C11orf65: variants seen among roughly 807,000 people sequenced by gnomAD.
C11orf65 encodes chromosome 11 open reading frame 65, also known as protein MFI.
Under a neutral mutation model 35.3 loss-of-function variants are expected in C11orf65, and 38 were observed. That is an observed-to-expected ratio of 1.08 (90% CI 0.83 to 1.41). C11orf65 has a LOEUF of 1.41. C11orf65 is among the 40% of genes most tolerant of loss of function. The pLI is 0.00. For synonymous variants in C11orf65, 105 were observed against 114.4 expected, an observed-to-expected ratio of 0.92 and a Z score of 0.53; for missense variants, 370 against 367.1, an observed-to-expected ratio of 1.01 and a Z score of -0.06.
At chr11:108,441,015 G>A (rs573919374) in intron 2 of C11orf65, among the ~76,000 whole-genome samples, 2 of 152,228 alleles carry the variant, frequency 1.3e-5, no homozygotes, top group South Asian at 4.1e-4. Flanking sequence ...GCCAAAGCAG[G>A]GCAACGCACT....
At chr11:108,439,202 T>G (rs2093112660) in intron 2 of C11orf65, among the ~76,000 whole-genome samples, 2 of 152,108 alleles carry the variant, frequency 1.3e-5, no homozygotes, top group African/African-American at 4.8e-5. Context: ...CAAAGAAGAC[T>G]TACAAGTGGT....
chr11:108,332,166 G>A (rs1245300508), intron 3 of C11orf65: 15 of 1,199,566 alleles, frequency 1.3e-5, no homozygotes, highest in Admixed American at 2.1e-5. Context: ...GGTGGCTCAC[G>A]CCTGTAATCC....
At chr11:108,329,027 G>T (rs587781672), downstream of C11orf65, 3 of 1,613,910 alleles carry the variant, frequency 1.9e-6, no homozygotes, top group African/African-American at 1.3e-5. Context: ...GAAGGCAGTA[G>T]AAGTTGCTGG....
chr11:108,466,261 A>T (rs2093536472), intron 1 of C11orf65, among the ~76,000 whole-genome samples: 2 of 152,094 alleles, frequency 1.3e-5, no homozygotes, highest in African/African-American at 4.8e-5. Flanking sequence ...AAAACCCTTC[A>T]TAAGTTTTAA....
At chr11:108,331,682 CT>C (rs1330694562) in intron 3 of C11orf65, 7 of 1,354,508 alleles carry the variant, frequency 5.2e-6, no homozygotes, top group Non-Finnish European at 7.0e-6. Flanking sequence ...TTTTTGTCTT[CT>C]CACATCACAT....
At chr11:108,354,070 A>ACAC (rs2089570249) in intron 2 of C11orf65, among the ~76,000 whole-genome samples, 4,765 of 114,892 alleles carry the variant, frequency 0.041, 122 homozygotes, top group Non-Finnish European at 0.049. Context: ...CACACACACA[A>ACAC]ACACACACAC....
chr11:108,387,420 GAC>G (rs1201002669), intron 7 of C11orf65, among the ~76,000 whole-genome samples: 1 of 151,862 alleles, frequency 6.6e-6, no homozygotes, highest in East Asian at 1.9e-4. Flanking sequence ...CTCCCAAAGT[GAC>G]ACTGTGATTT....
At chr11:108,371,280 C>T (rs75686326) in intron 2 of C11orf65, among the ~76,000 whole-genome samples, 3 of 152,266 alleles carry the variant, frequency 2.0e-5, no homozygotes, top group Admixed American at 6.5e-5. Flanking sequence ...TTTAAGTATA[C>T]GGTTCAGTAG....
intron 3 of C11orf65, chr11:108,332,769 CA>C (rs2086405270): frequency 6.2e-7 from 1 of 1,612,564 alleles, no homozygotes; most frequent in African/African-American, 1.3e-5. Flanking sequence ...TAGGATCGAA[CA>C]GAGGCTGCAA....
intron 2 of C11orf65, among the ~76,000 whole-genome samples, chr11:108,370,726 T>C (rs2091545436): frequency 6.6e-6 from 1 of 152,142 alleles, no homozygotes; most frequent in Non-Finnish European, 1.5e-5. Context: ...TAGCAGTTTA[T>C]CTGCATTTAT....
At chr11:108,330,413 A>T (rs780931855), downstream of C11orf65, 1 of 1,614,142 alleles carries the variant, frequency 6.2e-7, no homozygotes, top group Admixed American at 1.7e-5. Flanking sequence ...AGTCAATGGC[A>T]TGATGAAGGC....
intron 7 of C11orf65, among the ~76,000 whole-genome samples, chr11:108,389,710 C>T (rs898408970): frequency 3.0e-4 from 45 of 152,118 alleles, no homozygotes; most frequent in Non-Finnish European, 1.6e-4. Flanking sequence ...GACAGAGTCT[C>T]GCTCTGTCAC....
rs146806558 is a variant in C11orf65 at position 108,442,822 on chromosome 11, G to A, written c.82-10984C>T. On this transcript the variant is annotated intron_variant, in intron 2 of 8. Transcript: ENST00000393084. The stretch of plus-strand genomic sequence containing the variant: ...GCCTCCCTTACAACAGCTCCTGAAG[G>A]AAGCACTAAACATGGAAAGGAACAA... Among the ~76,000 whole-genome samples the A allele has an allele frequency of 8.3e-3, 1,268 of 152,238 alleles. 15 individuals are homozygous for A. The highest frequency in any genetic ancestry group is 0.029 in the African/African-American group (1,202 of 41,536).
intron 2 of C11orf65, among the ~76,000 whole-genome samples, chr11:108,345,447 G>C (rs1459893680): frequency 6.6e-6 from 1 of 152,128 alleles, no homozygotes; most frequent in Non-Finnish European, 1.5e-5. Context: ...AACTACTTAG[G>C]CATTTCTGTG....
intron 2 of C11orf65, among the ~76,000 whole-genome samples, chr11:108,341,569 A>G (rs1370353346): frequency 2.0e-5 from 3 of 152,190 alleles, no homozygotes; most frequent in African/African-American, 7.2e-5. Context: ...TCCTTAAGAC[A>G]CAAAACAGTT....
chr11:108,398,330 T>C (rs754836926), intron 6 of C11orf65, among the ~76,000 whole-genome samples: 13 of 152,190 alleles, frequency 8.5e-5, no homozygotes, highest in Non-Finnish European at 1.5e-4. Context: ...AGATTACATG[T>C]AGGCACTAAA....
At chr11:108,345,957 GT>G in intron 2 of C11orf65, 2 of 1,607,380 alleles carry the variant, frequency 1.2e-6, no homozygotes, top group Non-Finnish European at 1.7e-6. Flanking sequence ...TGTTTGGCAG[GT>G]TTTATTTTTG....
At chr11:108,329,348 A>T (rs1591153222), downstream of C11orf65, 1 of 1,015,298 alleles carries the variant, frequency 9.8e-7, no homozygotes, top group East Asian at 2.6e-5. Context: ...TTTGAGCTCT[A>T]AAGGTCGGCT....
intron 6 of C11orf65, among the ~76,000 whole-genome samples, chr11:108,402,614 C>T (rs940989687): frequency 5.9e-5 from 9 of 151,762 alleles, no homozygotes; most frequent in Non-Finnish European, 1.3e-4. Context: ...ATAAACTACA[C>T]ATATTTAAAT....
Sources: allele counts gnomAD v4.1 joint callset (sites outside exome capture counted in the v4.1 genomes callset), GRCh38; gene constraint gnomAD v4.1.1; transcripts MANE v1.5; gene names NCBI Gene and HGNC (gene_info 2026-07-23, HGNC 2026-07-21).